CAMK1D: variants seen among roughly 807,000 people sequenced by gnomAD.
CAMK1D encodes calcium/calmodulin-dependent protein kinase type 1D.
In CAMK1D, 9 loss-of-function variants were observed where a neutral mutation model predicts 47.7. That is an observed-to-expected ratio of 0.19 (90% CI 0.11 to 0.33). CAMK1D has a LOEUF of 0.33. Ranked by LOEUF, CAMK1D falls within the 10% of genes least tolerant of loss-of-function variation. The pLI is 1.00. For synonymous variants in CAMK1D, 184 were observed against 184.9 expected (o/e 0.99, Z 0.04); for missense variants, 291 against 488.7 (o/e 0.60, Z 3.81).
At chr10:12,371,599 CA>C (rs1040761617) in intron 1 of CAMK1D, among the ~76,000 whole-genome samples, 1 of 136,434 alleles carries the variant, frequency 7.3e-6, no homozygotes, top group Admixed American at 7.3e-5. Context: ...CAAAAAAAAA[CA>C]AAAAAAAACT....
intron 3 of CAMK1D, among the ~76,000 whole-genome samples, chr10:12,730,348 T>A (rs1834834437): frequency 6.6e-6 from 1 of 152,114 alleles, no homozygotes; most frequent in Non-Finnish European, 1.5e-5. Context: ...TGCCCATGAC[T>A]AAGATGGGGA....
chr10:12,803,343 C>T (rs922514656), intron 6 of CAMK1D, among the ~76,000 whole-genome samples: 1 of 152,218 alleles, frequency 6.6e-6, no homozygotes, highest in African/African-American at 2.4e-5. Flanking sequence ...TTACTCACTG[C>T]TCCATGATCA....
chr10:12,678,993 C>A (rs933302668), intron 3 of CAMK1D, among the ~76,000 whole-genome samples: 1 of 152,128 alleles, frequency 6.6e-6, no homozygotes, highest in Non-Finnish European at 1.5e-5. Flanking sequence ...GAACTGCTGA[C>A]CTCGTGATCT....
chr10:12,568,828 G>T (rs1469633643), intron 2 of CAMK1D, among the ~76,000 whole-genome samples: 2 of 152,152 alleles, frequency 1.3e-5, no homozygotes, highest in Non-Finnish European at 2.9e-5. Flanking sequence ...TCCTTATGCA[G>T]ATGTGCGTGC....
chr10:12,753,735 A>G (rs1320006409), intron 3 of CAMK1D, among the ~76,000 whole-genome samples: 1 of 152,124 alleles, frequency 6.6e-6, no homozygotes, highest in Non-Finnish European at 1.5e-5. Context: ...TCCACCCAGC[A>G]TTTCTAACCC....
At position 12,520,329 on chromosome 10, in the gene CAMK1D, G is replaced by A. The variant is rs1204056575; in HGVS notation, c.93-32896G>A. On this transcript the variant is annotated intron_variant, in intron 1 of 10. Coordinates refer to ENST00000619168, the MANE Select transcript of CAMK1D (RefSeq NM_153498.4). ...CAGAGGCGCTCCCCACTCAGACGAT[G>A]GGCGGGTCAGGCAGAGATGCTCCTC... Among the ~76,000 whole-genome samples, 2 of 93,676 alleles carry A rather than the reference G, an allele frequency of 2.1e-5. 1 individual carries two copies. Among genetic ancestry groups the A allele is most frequent in the African/African-American group, 8.0e-5 (2 of 25,066 alleles). The allele number at this position is 93,676 out of a possible 152,430, so 61.5% of individuals were successfully genotyped here.
chr10:12,583,434 T>G (rs1312280933), intron 2 of CAMK1D, among the ~76,000 whole-genome samples: 1 of 152,194 alleles, frequency 6.6e-6, no homozygotes, highest in Non-Finnish European at 1.5e-5. Context: ...TGCTTTTTTC[T>G]TAATAGGAAA....
intron 2 of CAMK1D, among the ~76,000 whole-genome samples, chr10:12,570,310 C>G (rs767437603): frequency 3.8e-4 from 58 of 152,084 alleles, no homozygotes; most frequent in Admixed American, 2.0e-4. Context: ...AGAAAGTCAC[C>G]TCACACCTCC....
chr10:12,738,516 C>T (rs1201326480), intron 3 of CAMK1D, among the ~76,000 whole-genome samples: 1 of 152,094 alleles, frequency 6.6e-6, no homozygotes, highest in East Asian at 1.9e-4. Flanking sequence ...ACAGAAATAT[C>T]CACAGGGAAT....
At chr10:12,489,919 G>C (rs780406844) in intron 1 of CAMK1D, among the ~76,000 whole-genome samples, 1 of 152,144 alleles carries the variant, frequency 6.6e-6, no homozygotes, top group Admixed American at 6.5e-5. Flanking sequence ...TCTGCATTCC[G>C]GCATTCAGCC....
chr10:12,723,267 A>G (rs1834475877), intron 3 of CAMK1D, among the ~76,000 whole-genome samples: 1 of 152,196 alleles, frequency 6.6e-6, no homozygotes, highest in Non-Finnish European at 1.5e-5. Context: ...GAACGGGAGA[A>G]TTGTAGAATT....
At chr10:12,631,862 C>T (rs1423161660) in intron 2 of CAMK1D, among the ~76,000 whole-genome samples, 1 of 152,164 alleles carries the variant, frequency 6.6e-6, no homozygotes, top group Non-Finnish European at 1.5e-5. Flanking sequence ...AAGCACTTTC[C>T]ACTACCTGAA....
rs368785989 is a variant in CAMK1D, at chr10:12,667,649, C to G, written c.299+839C>G. On this transcript the variant is annotated intron_variant, in intron 3 of 10. Transcript: ENST00000619168. ...AACATCATAAGATTAAGTTTAATGA[C>G]TGAGGAGATTTTTGTTGAACATTAG... 4.1e-3 allele frequency among the ~76,000 whole-genome samples: 621 copies of G among 152,266 alleles called. 5 individuals are homozygous for G. The highest frequency in any genetic ancestry group is 0.034 in the Middle Eastern group (10 of 294).
intron 5 of CAMK1D, among the ~76,000 whole-genome samples, chr10:12,772,697 C>T (rs987563468): frequency 2.0e-5 from 3 of 152,146 alleles, no homozygotes; most frequent in Admixed American, 6.5e-5. Context: ...AAATGGCAGC[C>T]AGTGGGAGCC....
chr10:12,510,360 G>A (rs1835003343), intron 1 of CAMK1D, among the ~76,000 whole-genome samples: 1 of 152,114 alleles, frequency 6.6e-6, no homozygotes, highest in Non-Finnish European at 1.5e-5. Flanking sequence ...AGGTTGCAGT[G>A]AGCTGAGATT....
At chr10:12,374,252 C>CTT (rs1332432027) in intron 1 of CAMK1D, among the ~76,000 whole-genome samples, 11 of 90,960 alleles carry the variant, frequency 1.2e-4, no homozygotes, top group Non-Finnish European at 1.7e-4. Flanking sequence ...GAGCGAGACT[C>CTT]TGTCTCAAAA....
intron 1 of CAMK1D, among the ~76,000 whole-genome samples, chr10:12,549,557 A>G (rs937267514): frequency 6.6e-6 from 1 of 152,218 alleles, no homozygotes; most frequent in Non-Finnish European, 1.5e-5. Flanking sequence ...TTCTGGGTAT[A>G]GACCTAGGTG....
In CAMK1D at chr10:12,681,983, G is replaced by T. The variant is rs1832459501; in HGVS notation, c.299+15173G>T. 2.6e-5 allele frequency among the ~76,000 whole-genome samples: 4 copies of T among 152,322 alleles called. No homozygotes were observed. The South Asian group carries it at 8.3e-4, about 32-fold the overall frequency. On this transcript the variant is annotated intron_variant, in intron 3 of 10. Transcript: ENST00000619168. ...GCCTGTAATCCCAGCACTTTGGGAG[G>T]CCCAGGTGGGCAGATCACGAGGTCA...
chr10:12,526,705 C>T (rs1386315795), intron 1 of CAMK1D, among the ~76,000 whole-genome samples: 3 of 152,018 alleles, frequency 2.0e-5, no homozygotes, highest in Admixed American at 2.0e-4. Flanking sequence ...ATCGCCTGAG[C>T]CCAGGAGTTC....
Sources: gnomAD v4.1 joint callset for allele counts (sites outside exome capture counted in the v4.1 genomes callset) on GRCh38, gnomAD v4.1.1 for gene constraint, MANE v1.5 for transcripts, NCBI Gene and HGNC (gene_info 2026-07-23, HGNC 2026-07-21) for gene names.